The following CMC2 variants were observed in gnomAD, a reference collection of about 807,000 sequenced individuals.
The protein encoded by CMC2 is C-X9-C motif containing 2.
Under a neutral mutation model 7.5 loss-of-function variants are expected in CMC2, and 5 were observed. The observed-to-expected ratio is 0.66, with a 90% CI of 0.35 to 1.40. The LOEUF is 1.40. Ranked by LOEUF, CMC2 falls within the 40% of genes most tolerant of loss-of-function variation. The pLI, the probability that CMC2 is intolerant of heterozygous loss-of-function variation, is 0.04. For missense variants in CMC2, 115 were observed against 92.3 expected (o/e 1.25, Z -1.01); for synonymous variants, 37 against 31.4 (o/e 1.18, Z -0.60).
chr16:80,988,568 G>C (rs929834225), intron 2 of CMC2: 1 of 701,086 alleles, frequency 1.4e-6, no homozygotes, highest in African/African-American at 1.8e-5. Flanking sequence ...CTTCTGAACC[G>C]AGTAAGTTGC....
chr16:81,000,536 G>T (rs905166315), intron 1 of CMC2, among the ~76,000 whole-genome samples: 4 of 152,044 alleles, frequency 2.6e-5, no homozygotes, highest in African/African-American at 9.7e-5. Context: ...AAAAAAGTGG[G>T]CAAAAGACAT....
chr16:80,999,161 A>G (rs976745556), intron 1 of CMC2, among the ~76,000 whole-genome samples: 1 of 152,220 alleles, frequency 6.6e-6, no homozygotes, highest in African/African-American at 2.4e-5. Flanking sequence ...CTCTTCACTG[A>G]CGATATGATT....
At chr16:80,991,952 G>A (rs775393245) in intron 2 of CMC2, 22 of 455,008 alleles carry the variant, frequency 4.8e-5, no homozygotes, top group East Asian at 2.1e-4. Flanking sequence ...TATCCTGGAC[G>A]GAATCCTGTA....
At chr16:81,005,478 G>A (rs1021032395) in intron 1 of CMC2, among the ~76,000 whole-genome samples, 1 of 103,022 alleles carries the variant, frequency 9.7e-6, no homozygotes, top group African/African-American at 2.8e-5. Flanking sequence ...CCTACATTTC[G>A]GCCCTGGTAT....
chr16:81,002,440 A>G (rs564265415), intron 1 of CMC2, among the ~76,000 whole-genome samples: 1 of 152,330 alleles, frequency 6.6e-6, no homozygotes, highest in East Asian at 1.9e-4. Flanking sequence ...CAACAATAAC[A>G]GAAAACAGAC....
chr16:80,982,672 CAT>C (rs1405331997), intron 2 of CMC2: 1 of 151,938 alleles, frequency 6.6e-6, no homozygotes, highest in African/African-American at 2.4e-5. Context: ...TGTAAGCAAA[CAT>C]AAAGATATAT....
chr16:80,988,514 A>G (rs1359888797), intron 2 of CMC2: 1 of 695,012 alleles, frequency 1.4e-6, no homozygotes, highest in South Asian at 1.5e-5. Flanking sequence ...ATTTCACCAA[A>G]TTTGCTTTAT....
intron 2 of CMC2, among the ~76,000 whole-genome samples, chr16:80,986,714 G>T (rs1291516460): frequency 6.6e-6 from 1 of 152,248 alleles, no homozygotes; most frequent in Non-Finnish European, 1.5e-5. Flanking sequence ...GAGGCAGATG[G>T]AGGAATTAAA....
chr16:80,974,859 C>A lies in CMC2; in HGVS notation c.*1234G>T, dbSNP rs776858767. On this transcript the variant is annotated 3_prime_UTR_variant, in exon 4 of 4. Transcript: ENST00000219400. ...TTCTGGTTCTTTCCCCATCCTTTCACTGAATGTCTGTTATGCTCTGTAATC... is the reference window on the plus strand; with the variant it reads ...TTCTGGTTCTTTCCCCATCCTTTCAATGAATGTCTGTTATGCTCTGTAATC... 1 of 152,242 alleles carries A rather than the reference C, an allele frequency of 6.6e-6. No homozygotes were observed. Among genetic ancestry groups the A allele is most frequent in the Non-Finnish European group, 1.5e-5 (1 of 68,042 alleles). 9.4% of individuals were successfully genotyped at this position (152,242 alleles called of 1,614,324 possible). A position where few individuals can be genotyped will look rare whatever the true frequency, so the allele number is the denominator to read the frequency against.
intron 2 of CMC2, among the ~76,000 whole-genome samples, chr16:80,991,158 A>G (rs1163063208): frequency 6.6e-6 from 1 of 152,232 alleles, no homozygotes; most frequent in East Asian, 1.9e-4. Flanking sequence ...ACATGAGTCC[A>G]TACTGACATA....
At chr16:81,002,694 T>C (rs758119705) in intron 1 of CMC2, among the ~76,000 whole-genome samples, 4 of 152,170 alleles carry the variant, frequency 2.6e-5, no homozygotes, top group Admixed American at 6.5e-5. Context: ...TTTTCCTCCC[T>C]CTATAACAAG....
chr16:81,002,032 G>A (rs2602409), intron 1 of CMC2, among the ~76,000 whole-genome samples: 95,831 of 152,066 alleles, frequency 0.63, 31,719 homozygotes, highest in South Asian at 0.79. Context: ...ATACAGTTCA[G>A]CAATTTAAGT....
chr16:81,003,382 T>C (rs1322173310), intron 1 of CMC2, among the ~76,000 whole-genome samples: 2 of 152,250 alleles, frequency 1.3e-5, no homozygotes, highest in Admixed American at 6.5e-5. Context: ...TGTTGAACAC[T>C]TGCCAAGTGC....
At position 80,970,526 on chromosome 16, in the gene CMC2, A is replaced by G; in HGVS notation, c.*5567T>C. 6.6e-6 allele frequency: 1 copy of G among 152,244 alleles called. No homozygotes were observed. Among genetic ancestry groups the G allele is most frequent in the East Asian group, 1.9e-4 (1 of 5,202 alleles). 9.4% of individuals were successfully genotyped at this position (152,244 alleles called of 1,614,324 possible). On this transcript the variant is annotated 3_prime_UTR_variant, in exon 4 of 4. Transcript: ENST00000219400. ...TGTCAGTGAAATGTAAGGATTTAAC[A>G]TCAGTCACAAGAGAAGTCTGATGTA...
chr16:80,991,368 C>T (rs1308197980), intron 2 of CMC2, among the ~76,000 whole-genome samples: 7 of 152,148 alleles, frequency 4.6e-5, no homozygotes, highest in African/African-American at 1.7e-4. Flanking sequence ...CGTGCAATAG[C>T]TCACATCTGT....
intron 1 of CMC2, 163 bp downstream of exon 1, chr16:81,006,571 C>T: frequency 2.6e-6 from 1 of 388,920 alleles, no homozygotes; most frequent in Non-Finnish European, 3.5e-6. Flanking sequence ...CGCAGCCTCC[C>T]CAGCGCAGCA....
At chr16:80,992,092 A>T (rs1597250023) in intron 2 of CMC2, 1 of 354,608 alleles carries the variant, frequency 2.8e-6, no homozygotes, top group East Asian at 7.7e-5. Context: ...GATGTTAATA[A>T]TAAGGGACAC....
At chr16:81,001,206 A>T (rs939683122) in intron 1 of CMC2, 3 of 152,186 alleles carry the variant, frequency 2.0e-5, no homozygotes, top group Non-Finnish European at 2.9e-5. Flanking sequence ...CGGTAGAAGG[A>T]GGGTAAGGGC....
At chr16:80,997,634 A>T (rs1968531378) in intron 1 of CMC2, 1 of 354,176 alleles carries the variant, frequency 2.8e-6, no homozygotes, top group African/African-American at 2.1e-5. Flanking sequence ...AGTAGTATTT[A>T]GAGAACCTAC....
Sources: allele counts gnomAD v4.1 joint callset (sites outside exome capture counted in the v4.1 genomes callset), GRCh38; gene constraint gnomAD v4.1.1; transcripts MANE v1.5; gene names NCBI Gene and HGNC (gene_info 2026-07-23, HGNC 2026-07-21).